The following CLYBL variants were observed in gnomAD, a reference collection of about 807,000 sequenced individuals.
CLYBL encodes the protein citramalyl-CoA lyase.
A neutral mutation model predicts 38.9 loss-of-function variants in CLYBL; 31 were observed. That is an observed-to-expected ratio of 0.80 (90% CI 0.60 to 1.08). CLYBL has a LOEUF of 1.08. Among genes scored for constraint, CLYBL ranks in the 50% least tolerant of loss-of-function variants. The pLI is 0.00. For synonymous variants in CLYBL, 171 were observed against 158.6 expected, an observed-to-expected ratio of 1.08 and a Z score of -0.59; for missense variants, 434 against 411.6, an observed-to-expected ratio of 1.05 and a Z score of -0.47.
chr13:99,704,328 A>G (rs937334518), intron 1 of CLYBL, among the ~76,000 whole-genome samples: 1 of 152,118 alleles, frequency 6.6e-6, no homozygotes, highest in African/African-American at 2.4e-5. Context: ...CTTGGAATAT[A>G]TTACTTTGAT....
intron 1 of CLYBL, among the ~76,000 whole-genome samples, chr13:99,746,714 T>A (rs1485481074): frequency 1.3e-5 from 2 of 152,222 alleles, no homozygotes; most frequent in Non-Finnish European, 2.9e-5. Context: ...CTTTCTGTTT[T>A]AATTACAATT....
At chr13:99,896,332 A>T (rs1471806364), downstream of CLYBL, 1 of 152,144 alleles carries the variant, frequency 6.6e-6, no homozygotes, top group Non-Finnish European at 1.5e-5. Context: ...GGAGCATGTT[A>T]ATCAGACTCG....
chr13:99,897,162 A>G (rs2152136074), downstream of CLYBL: 1 of 152,372 alleles, frequency 6.6e-6, no homozygotes, highest in African/African-American at 2.4e-5. Context: ...CACTTTTTCC[A>G]TCTTTCATCT....
In CLYBL at chr13:99,866,391, C is replaced by T. The variant is rs370300708; in HGVS notation, c.786C>T (p.Ala262=). 39 of 1,612,926 alleles carry T rather than the reference C, an allele frequency of 2.4e-5. No homozygotes were observed. Among genetic ancestry groups the T allele is most frequent in the Admixed American group, 3.4e-5 (2 of 59,582 alleles). Reference sequence around the variant, plus strand: ...TGCTTAGACAGTCACGAGAAGGAGCCGCCATGGGCTTCACTGGTATGATTC... The same window carrying T: ...TGCTTAGACAGTCACGAGAAGGAGCTGCCATGGGCTTCACTGGTATGATTC... The part of the protein sequence containing the change: ...AGLLRQSREG[A]AMGFTGKQVI... The change falls in exon 6 of 9, where the codon GCC becomes GCT. Residue 262 remains alanine, a synonymous_variant. Coordinates refer to ENST00000339105, the MANE Select transcript of CLYBL (RefSeq NM_206808.5).
intron 1 of CLYBL, among the ~76,000 whole-genome samples, chr13:99,653,318 C>T (rs2047282025): frequency 6.6e-6 from 1 of 151,908 alleles, no homozygotes; most frequent in African/African-American, 2.4e-5. Flanking sequence ...AGCAGCAGGC[C>T]ACTGCTAAGG....
Position 99,697,374 on chromosome 13 carries a change from TTTA to T in CLYBL, c.63-75437_63-75435del, listed in dbSNP as rs749585490. ...TGGCTCTGCTTTATCCCACAGGCTTTTTATTATTATTATTACTTTTGAGACAAG... is the reference window on the plus strand; with the variant it reads ...TGGCTCTGCTTTATCCCACAGGCTTTTTATTATTATTACTTTTGAGACAAG... On this transcript the variant is annotated intron_variant, in intron 1 of 8. Transcript: ENST00000339105. Among the ~76,000 whole-genome samples the T allele has an allele frequency of 5.3e-5, 8 of 152,250 alleles. No homozygotes were observed. The South Asian group carries it at 1.5e-3, about 28-fold the overall frequency.
chr13:99,712,297 T>C (rs1240488211), intron 1 of CLYBL, among the ~76,000 whole-genome samples: 1 of 151,858 alleles, frequency 6.6e-6, no homozygotes, highest in Non-Finnish European at 1.5e-5. Context: ...TCCTTTCTCA[T>C]ATAACTTTTT....
intron 1 of CLYBL, among the ~76,000 whole-genome samples, chr13:99,729,810 C>G (rs1224110288): frequency 2.0e-5 from 3 of 152,220 alleles, no homozygotes; most frequent in Non-Finnish European, 4.4e-5. Flanking sequence ...CTCCCTGGTG[C>G]CACTACCCCC....
In CLYBL at chr13:99,608,363, G is replaced by A. The variant is rs952337482; in HGVS notation, c.62+1606G>A. Among the ~76,000 whole-genome samples, 3 of 152,020 alleles carry A rather than the reference G, an allele frequency of 2.0e-5. No homozygotes were observed. In the South Asian group the frequency reaches 6.2e-4, roughly 32 times the overall value. ...GTTGGGATTAAAGGCGTGAGCCACC[G>A]TGCCCGGCCTGGGTCTGAACTTCTT... On this transcript the variant is annotated intron_variant, in intron 1 of 8. Transcript: ENST00000339105.
intron 1 of CLYBL, among the ~76,000 whole-genome samples, chr13:99,614,918 G>A (rs551319803): frequency 1.3e-5 from 2 of 152,342 alleles, no homozygotes; most frequent in South Asian, 4.1e-4. Flanking sequence ...TGGCCACTGA[G>A]AAGACTCTGT....
chr13:99,860,461 C>T (rs1440570851), intron 3 of CLYBL, among the ~76,000 whole-genome samples: 1 of 152,144 alleles, frequency 6.6e-6, no homozygotes, highest in African/African-American at 2.4e-5. Context: ...TCCAGGGTTA[C>T]CCTCAGAAGC....
chr13:99,720,185 A>G (rs1211068206), intron 1 of CLYBL, among the ~76,000 whole-genome samples: 1 of 150,958 alleles, frequency 6.6e-6, no homozygotes, highest in Non-Finnish European at 1.5e-5. Flanking sequence ...TATACATTCT[A>G]TTTTTTCTTT....
chr13:99,848,606 T>G (rs769129821), intron 2 of CLYBL, among the ~76,000 whole-genome samples: 4 of 152,210 alleles, frequency 2.6e-5, no homozygotes, highest in Non-Finnish European at 4.4e-5. Flanking sequence ...TTTTCAGTTT[T>G]CCTCTGGATC....
intron 2 of CLYBL, among the ~76,000 whole-genome samples, chr13:99,817,128 A>C (rs1018449201): frequency 1.3e-5 from 2 of 152,208 alleles, no homozygotes; most frequent in Admixed American, 6.5e-5. Context: ...TTCTTTCCCC[A>C]GGAATGATTT....
At chr13:99,628,117 G>A (rs2139224233) in intron 1 of CLYBL, among the ~76,000 whole-genome samples, 1 of 152,282 alleles carries the variant, frequency 6.6e-6, no homozygotes, top group East Asian at 1.9e-4. Context: ...AATAATCTTT[G>A]TGTTGTGAGC....
At chr13:99,751,743 G>T (rs550332317) in intron 1 of CLYBL, among the ~76,000 whole-genome samples, 7 of 152,308 alleles carry the variant, frequency 4.6e-5, no homozygotes, top group Non-Finnish European at 1.0e-4. Context: ...GATGGTGGTG[G>T]TGATTGCACA....
chr13:99,780,992 G>A (rs1171384987), intron 2 of CLYBL, among the ~76,000 whole-genome samples: 3 of 151,834 alleles, frequency 2.0e-5, no homozygotes, highest in Non-Finnish European at 2.9e-5. Context: ...GGGATTACAG[G>A]CATGAGCCAC....
intron 1 of CLYBL, among the ~76,000 whole-genome samples, chr13:99,607,575 G>A (rs141996130): frequency 2.0e-5 from 3 of 152,196 alleles, no homozygotes; most frequent in African/African-American, 4.8e-5. Context: ...GCACATACAT[G>A]GTCTCATTTG....
At position 99,810,205 on chromosome 13, in the gene CLYBL, G is replaced by A. The variant is rs144821979; in HGVS notation, c.249+37195G>A. On this transcript the variant is annotated intron_variant, in intron 2 of 8. Transcript: ENST00000339105. ...AGTAAGTGTAGCTCCTCTCCTCTCC[G>A]GGCTTATGGCTGGTGAGACAGACAT... Among the ~76,000 whole-genome samples, 118 of 152,350 alleles carry A rather than the reference G, an allele frequency of 7.7e-4. 1 individual carries two copies. The highest frequency in any genetic ancestry group is 7.1e-3 in the East Asian group (37 of 5,190).
Sources: gnomAD v4.1 joint callset for allele counts (sites outside exome capture counted in the v4.1 genomes callset) on GRCh38, gnomAD v4.1.1 for gene constraint, MANE v1.5 for transcripts, NCBI Gene and HGNC (gene_info 2026-07-23, HGNC 2026-07-21) for gene names.